The following VPS13B variants were observed in gnomAD, a reference collection of about 807,000 sequenced individuals.
VPS13B encodes intermembrane lipid transfer protein VPS13B.
A neutral mutation model predicts 426.4 loss-of-function variants in VPS13B; 285 were observed. The ratio of observed to expected loss-of-function variants is 0.67; its 90% confidence interval spans 0.61 to 0.74. VPS13B has a LOEUF of 0.74. VPS13B is among the 30% of genes least tolerant of loss of function. The pLI, the probability that VPS13B is intolerant of heterozygous loss-of-function variation, is 0.00. For missense variants in VPS13B, 4,537 were observed against 4,782.6 expected (o/e 0.95, Z 1.51); for synonymous variants, 1,676 against 1,676.4 (o/e 1.00, Z 0.01).
intron 17 of VPS13B, among the ~76,000 whole-genome samples, chr8:99,245,333 T>G (rs1817158623): frequency 6.6e-6 from 1 of 152,196 alleles, no homozygotes; most frequent in Non-Finnish European, 1.5e-5. Flanking sequence ...TTCAATAAAC[T>G]TTAGGCATTT....
intron 25 of VPS13B, among the ~76,000 whole-genome samples, chr8:99,497,191 CATGTATTTATATATTTAATATAT>C (rs1208194059): frequency 1.6e-5 from 2 of 128,668 alleles, no homozygotes; most frequent in African/African-American, 5.8e-5. Flanking sequence ...TATATAAATA[CATGTATTTATATATTTAATATAT>C]ATAAATACAT....
At chr8:99,165,260 A>G (rs1172751984) in intron 15 of VPS13B, among the ~76,000 whole-genome samples, 2 of 152,252 alleles carry the variant, frequency 1.3e-5, no homozygotes, top group Middle Eastern at 3.4e-3. Flanking sequence ...CATGTTGTAC[A>G]ATAGATCTTT....
Position 99,135,690 on chromosome 8 carries a change from A to G in VPS13B, c.1520A>G (p.Asn507Ser), listed in dbSNP as rs749312835. Residue 507 changes from asparagine to serine, a missense_variant, in exon 11 of 62, where the codon AAT (asparagine) becomes AGT (serine). Asn to Ser is a conservative substitution (Grantham distance 46). This residue lies in a region of VPS13B where 4,311 missense variants were observed against 4,474.3 expected (regional missense o/e 0.96). Coordinates refer to ENST00000357162, the MANE Select transcript of VPS13B (RefSeq NM_152564.5). ...SLFDYRSPEN[N>S]GTRAEFILDS... ...TTTGATTACCGAAGCCCAGAAAATAATGGTACTCGCGCAGAATTTATCTTG... is the reference window on the plus strand; with the variant it reads ...TTTGATTACCGAAGCCCAGAAAATAGTGGTACTCGCGCAGAATTTATCTTG... The G allele has an allele frequency of 2.4e-5, 39 of 1,613,332 alleles. 1 individual carries two copies. The South Asian group carries it at 3.2e-4, about 13-fold the overall frequency.
intron 53 of VPS13B, 51 bp downstream of exon 53, chr8:99,835,375 G>T (rs748513639): frequency 8.2e-6 from 13 of 1,579,928 alleles, no homozygotes; most frequent in African/African-American, 5.4e-5. Context: ...TATTTTTTCT[G>T]GGATTTTTTG....
intron 36 of VPS13B, among the ~76,000 whole-genome samples, chr8:99,707,719 C>A (rs757083188): frequency 3.3e-5 from 5 of 152,164 alleles, no homozygotes; most frequent in Non-Finnish European, 7.4e-5. Flanking sequence ...GTGGGACCCA[C>A]TAAGTGTCAA....
chr8:99,470,870 C>T (rs1045791953), intron 24 of VPS13B, among the ~76,000 whole-genome samples: 6 of 151,740 alleles, frequency 4.0e-5, no homozygotes, highest in East Asian at 1.9e-4. Flanking sequence ...ATATTGAAAA[C>T]GAAAAATAAA....
chr8:99,391,114 A>AT (rs572779379), intron 20 of VPS13B, among the ~76,000 whole-genome samples: 31 of 152,028 alleles, frequency 2.0e-4, no homozygotes, highest in African/African-American at 5.6e-4. Flanking sequence ...AAACATAAGG[A>AT]TTTTTTTTAT....
intron 5 of VPS13B, among the ~76,000 whole-genome samples, chr8:99,105,549 TTA>T (rs1269271042): frequency 6.6e-6 from 1 of 152,104 alleles, no homozygotes; most frequent in Non-Finnish European, 1.5e-5. Flanking sequence ...TGGCTAATTT[TTA>T]TATTTTTGGT....
At chr8:99,291,908 A>C (rs1196874137) in intron 19 of VPS13B, among the ~76,000 whole-genome samples, 2 of 152,152 alleles carry the variant, frequency 1.3e-5, no homozygotes, top group Non-Finnish European at 2.9e-5. Flanking sequence ...AAAAGTGTTT[A>C]GTACATATTT....
rs560085999 is a variant in VPS13B, at chr8:99,125,332, C to T, written c.1206+3887C>T. On this transcript the variant is annotated intron_variant, in intron 8 of 61. Coordinates refer to ENST00000357162, the MANE Select transcript of VPS13B (RefSeq NM_152564.5). ...TCCAGCACAGGCGAAAGATGAAGGC[C>T]GGAAGACTCAGCAAGTCTAGTCCTT... Among the ~76,000 whole-genome samples the T allele has an allele frequency of 2.5e-4, 38 of 151,924 alleles. No homozygotes were observed. In the East Asian group the frequency reaches 2.9e-3, roughly 12 times the overall value.
At chr8:99,753,277 G>A (rs1277832355) in intron 39 of VPS13B, among the ~76,000 whole-genome samples, 5 of 152,142 alleles carry the variant, frequency 3.3e-5, no homozygotes. Context: ...TGTGGGTAAG[G>A]AAACTAAGGC....
chr8:99,480,169 A>T (rs1027100399), intron 24 of VPS13B, among the ~76,000 whole-genome samples: 16 of 152,196 alleles, frequency 1.1e-4, no homozygotes, highest in African/African-American at 3.9e-4. Flanking sequence ...TTTATCCTAC[A>T]TGTTTTTGCC....
intron 20 of VPS13B, chr8:99,389,571 T>A: frequency 6.6e-6 from 1 of 152,188 alleles, no homozygotes; most frequent in Non-Finnish European, 1.5e-5. Context: ...AAGAAAATGT[T>A]ATTAAGAAAA....
chr8:99,387,819 GAAAATTTGATA>G (rs1814213169), intron 20 of VPS13B, among the ~76,000 whole-genome samples: 1 of 152,110 alleles, frequency 6.6e-6, no homozygotes, highest in African/African-American at 2.4e-5. Flanking sequence ...TGTTGTGAGT[GAAAATTTGATA>G]AATTTGTCAG....
chr8:99,361,125 T>C (rs1259215003), intron 19 of VPS13B, among the ~76,000 whole-genome samples: 1 of 152,182 alleles, frequency 6.6e-6, no homozygotes, highest in East Asian at 1.9e-4. Context: ...AGATAATACC[T>C]GGCACATGGT....
intron 27 of VPS13B, among the ~76,000 whole-genome samples, chr8:99,503,597 A>G (rs1190021316): frequency 1.3e-5 from 2 of 152,198 alleles, no homozygotes; most frequent in East Asian, 3.8e-4. Flanking sequence ...CATTTCAACA[A>G]TGTTCCCAGC....
chr8:99,211,397 G>T (rs1815081494), intron 17 of VPS13B, among the ~76,000 whole-genome samples: 1 of 152,170 alleles, frequency 6.6e-6, no homozygotes, highest in Admixed American at 6.5e-5. Flanking sequence ...GGAGGAAGGG[G>T]AGAGGACTTG....
intron 43 of VPS13B, among the ~76,000 whole-genome samples, chr8:99,808,165 A>G (rs147861446): frequency 1.3e-5 from 2 of 152,308 alleles, no homozygotes; most frequent in East Asian, 1.9e-4. Flanking sequence ...TTAAAAAATT[A>G]TATGTGATAT....
rs532103827 is a variant in VPS13B at position 99,123,529 on chromosome 8, A to AT, written c.1206+2086dup. ...CAATATTTGGCCAGTTTTTAGAAGA[A>AT]TTATATGATCTGGGTTATATTTTAA... is the stretch of plus-strand genomic sequence containing the variant. On this transcript the variant is annotated intron_variant, in intron 8 of 61. Coordinates refer to ENST00000357162, the MANE Select transcript of VPS13B (RefSeq NM_152564.5). 8.5e-5 allele frequency among the ~76,000 whole-genome samples: 13 copies of AT among 152,286 alleles called. No homozygotes were observed. In the South Asian group the frequency reaches 2.5e-3, roughly 29 times the overall value.
Sources: allele counts gnomAD v4.1 joint callset (sites outside exome capture counted in the v4.1 genomes callset), GRCh38; gene constraint gnomAD v4.1.1; regional missense constraint gnomAD v4.1.1; transcripts MANE v1.5; gene names NCBI Gene and HGNC (gene_info 2026-07-23, HGNC 2026-07-21).